Variants in ZZEF1 observed in about 807,000 individuals in gnomAD.
ZZEF1 encodes the protein zinc finger ZZ-type and EF-hand domain containing 1.
A neutral mutation model predicts 342.8 loss-of-function variants in ZZEF1; 157 were observed. That is an observed-to-expected ratio of 0.46 (90% CI 0.40 to 0.52). The LOEUF (loss-of-function observed/expected upper bound fraction) is 0.52. Ranked by LOEUF, ZZEF1 falls within the 20% of genes least tolerant of loss-of-function variation. The probability of loss-of-function intolerance (pLI) is 0.00; values close to 1 mark genes in which losing one functional copy is unlikely to be tolerated. For missense variants in ZZEF1, 3,480 were observed against 3,725.6 expected (o/e 0.93, Z 1.72); for synonymous variants, 1,505 against 1,429.1 (o/e 1.05, Z -1.20).
intron 9 of ZZEF1, 71 bp downstream of exon 9, chr17:4,102,246 C>T: frequency 1.5e-6 from 2 of 1,364,492 alleles, no homozygotes; most frequent in Non-Finnish European, 1.0e-6. Flanking sequence ...ATTTCAAAGT[C>T]TGGAGTGTGC....
chr17:4,114,795 T>C (rs933518011), intron 3 of ZZEF1, among the ~76,000 whole-genome samples: 1 of 152,230 alleles, frequency 6.6e-6, no homozygotes, highest in Admixed American at 6.5e-5. Flanking sequence ...ACTGATATAT[T>C]TGCAAAACCA....
chr17:4,142,746 C>T lies in ZZEF1; in HGVS notation c.150G>A (p.Leu50=). The T allele has an allele frequency of 6.7e-7, 1 of 1,497,144 alleles. No homozygotes were observed. The highest frequency in any genetic ancestry group is 8.9e-7 in the Non-Finnish European group (1 of 1,128,776). 92.7% of individuals were successfully genotyped at this position (1,497,144 alleles called of 1,614,324 possible). A position where few individuals can be genotyped will look rare whatever the true frequency, so the allele number is the denominator to read the frequency against. ...CCTCTCGCAGCCTGGCCGGCTCCAG[C>T]AGCGCCGCGGCGGGTGGTAGCGCTG... ...AAPALPPAAA[L]LEPARLREAA... Residue 50 remains leucine, a synonymous_variant, in exon 1 of 55, where the codon CTG becomes CTA. Transcript: ENST00000381638.
At chr17:4,011,403 CA>C (rs56922547) in intron 52 of ZZEF1, among the ~76,000 whole-genome samples, 45 of 143,808 alleles carry the variant, frequency 3.1e-4, no homozygotes, top group Admixed American at 2.8e-4. Flanking sequence ...GACCATGTTT[CA>C]AAAAAAAAAA....
rs2057005446 is a variant in ZZEF1 at position 4,049,776 on chromosome 17, T to G, written c.5947A>C (p.Thr1983Pro). The G allele has an allele frequency of 1.2e-6, 2 of 1,614,052 alleles. No individual in the cohort carries two copies. Among genetic ancestry groups the G allele is most frequent in the African/African-American group, 2.7e-5 (2 of 74,912 alleles). Residue 1983 changes from threonine (T) to proline (P), a missense_variant, in exon 37 of 55, where the codon ACC becomes CCC. By Grantham distance (38) the Thr-to-Pro change is conservative (BLOSUM62 -1). Coordinates refer to ENST00000381638, the MANE Select transcript of ZZEF1 (RefSeq NM_015113.4). ...TCTAGCTGCTCCTCTGACGCTCCGG[T>G]GGGCACAGTGACTGGTAGGGCCTGA... Reference protein sequence around the residue: ...EDQALPVTVPTGASEEQLEKK... With the variant: ...EDQALPVTVPPGASEEQLEKK...
In ZZEF1 at chr17:4,022,837, C is replaced by A. The variant is rs570641987; in HGVS notation, c.7093-9G>T. On this transcript the variant is annotated splice_polypyrimidine_tract_variant and intron_variant, in intron 43 of 54. Coordinates refer to ENST00000381638, the MANE Select transcript of ZZEF1 (RefSeq NM_015113.4). Reference sequence around the variant, plus strand: ...TCCTCAAAACCGTGAGCCTGCCAAGCAGAAGAAGAATGATGTGTGACTGCC... The same window carrying A: ...TCCTCAAAACCGTGAGCCTGCCAAGAAGAAGAAGAATGATGTGTGACTGCC... 6 of 1,613,304 alleles carry A rather than the reference C, an allele frequency of 3.7e-6. No homozygotes were observed. In the East Asian group the frequency reaches 1.3e-4, roughly 36 times the overall value.
chr17:4,047,680 C>A (rs567914991), intron 37 of ZZEF1, among the ~76,000 whole-genome samples: 5 of 146,756 alleles, frequency 3.4e-5, no homozygotes, highest in African/African-American at 1.3e-4. Context: ...CAGTGGCTCA[C>A]GCCTGTAATC....
chr17:4,058,043 G>A lies in ZZEF1; in HGVS notation c.5116C>T (p.Leu1706Phe). Residue 1706 changes from leucine (L) to phenylalanine (F), a missense_variant, in exon 32 of 55, where the codon CTC (leucine) becomes TTC (phenylalanine). Leu to Phe is a conservative substitution (Grantham distance 22). Transcript: ENST00000381638. ...ATATTCTCCTGTGACATTTTCATGA[G>A]GAGATCTGGTAACTGAATATCAACA... ...FFVDIQLPDL[L>F]MKMSQENISV... 1 of 1,614,180 alleles carries A rather than the reference G, an allele frequency of 6.2e-7. No homozygotes were observed. Among genetic ancestry groups the A allele is most frequent in the Non-Finnish European group, 8.5e-7 (1 of 1,180,040 alleles).
chr17:4,048,784 GCTCACTGCAACCTC>G (rs2056981119), intron 37 of ZZEF1, among the ~76,000 whole-genome samples: 1 of 151,962 alleles, frequency 6.6e-6, no homozygotes, highest in Non-Finnish European at 1.5e-5. Flanking sequence ...CGCCATCTTG[GCTCACTGCAACCTC>G]CGCCTCCCGG....
chr17:4,133,994 T>C (rs1314939132), intron 1 of ZZEF1, among the ~76,000 whole-genome samples: 2 of 152,232 alleles, frequency 1.3e-5, no homozygotes, highest in South Asian at 2.1e-4. Flanking sequence ...CATAAGCCAC[T>C]GTGCCAGGCC....
At chr17:4,089,559 C>A (rs551707688) in intron 12 of ZZEF1, among the ~76,000 whole-genome samples, 1 of 152,262 alleles carries the variant, frequency 6.6e-6, no homozygotes, top group Non-Finnish European at 1.5e-5. Context: ...TGGAAAGACA[C>A]CTCTCTTGAG....
intron 3 of ZZEF1, among the ~76,000 whole-genome samples, chr17:4,115,859 C>G (rs1028368689): frequency 2.0e-5 from 3 of 152,066 alleles, no homozygotes; most frequent in African/African-American, 4.8e-5. Flanking sequence ...TTCATACAGA[C>G]TAATTTATTA....
intron 10 of ZZEF1, 31 bp from the exon 11 acceptor site, chr17:4,096,010 A>C (rs748687985): frequency 1.9e-6 from 3 of 1,570,172 alleles, no homozygotes; most frequent in Non-Finnish European, 2.6e-6. Context: ...GAAGTCTATC[A>C]AAGGGGCAAA....
intron 39 of ZZEF1, among the ~76,000 whole-genome samples, chr17:4,040,821 C>A (rs1212423017): frequency 6.6e-6 from 1 of 152,136 alleles, no homozygotes; most frequent in African/African-American, 2.4e-5. Flanking sequence ...AGCTGAGATC[C>A]AGTCAGGAAA....
In ZZEF1 at chr17:4,058,071, G is replaced by C. The variant is rs766921079; in HGVS notation, c.5088C>G (p.Phe1696Leu). 6.2e-7 allele frequency: 1 copy of C among 1,614,146 alleles called. No individual in the cohort carries two copies. The highest frequency in any genetic ancestry group is 2.2e-5 in the East Asian group (1 of 44,890). ...DMGWEPNDLAFFVDIQLPDLL... is the reference protein window; with the variant it reads ...DMGWEPNDLALFVDIQLPDLL... ...GATCTGGTAACTGAATATCAACAAAGAAGGCGAGATCATTGGGTTCCCAGC... is the reference window on the plus strand; with the variant it reads ...GATCTGGTAACTGAATATCAACAAACAAGGCGAGATCATTGGGTTCCCAGC... Residue 1696 changes from phenylalanine to leucine, a missense_variant, in exon 32 of 55, where the codon TTC (phenylalanine) becomes TTG (leucine). Phe to Leu is a conservative substitution (Grantham distance 22). Transcript: ENST00000381638.
chr17:4,090,340 T>C (rs2467102), intron 12 of ZZEF1, among the ~76,000 whole-genome samples: 27,425 of 31,568 alleles, frequency 0.87, 12,696 homozygotes, highest in South Asian at 0.97. Context: ...CAGCCTGAGG[T>C]GCCCTCCTCC....
intron 11 of ZZEF1, among the ~76,000 whole-genome samples, chr17:4,094,915 T>G (rs2058006977): frequency 6.6e-6 from 1 of 152,128 alleles, no homozygotes; most frequent in East Asian, 1.9e-4. Context: ...CAGTCCATAC[T>G]ACACACAACA....
At chr17:4,129,243 A>C (rs545626574) in intron 1 of ZZEF1, among the ~76,000 whole-genome samples, 189 of 152,320 alleles carry the variant, frequency 1.2e-3, no homozygotes, top group African/African-American at 4.4e-3. Flanking sequence ...ATTAACTAAA[A>C]ACAGGATATT....
chr17:4,036,862 C>T (rs984922773), intron 39 of ZZEF1, among the ~76,000 whole-genome samples: 19 of 149,570 alleles, frequency 1.3e-4, no homozygotes, highest in Non-Finnish European at 1.8e-4. Flanking sequence ...CCCGCCCGCC[C>T]GCACTGGGAA....
chr17:4,071,628 G>C (rs1344271025), intron 25 of ZZEF1, among the ~76,000 whole-genome samples: 1 of 152,184 alleles, frequency 6.6e-6, no homozygotes, highest in East Asian at 1.9e-4. Context: ...CACAGGACCT[G>C]CAAGCTGACT....
Sources: gnomAD v4.1 joint callset for allele counts (sites outside exome capture counted in the v4.1 genomes callset) on GRCh38, gnomAD v4.1.1 for gene constraint, MANE v1.5 for transcripts, NCBI Gene and HGNC (gene_info 2026-07-23, HGNC 2026-07-21) for gene names.